The following ERBIN variants were observed in gnomAD, a reference collection of about 807,000 sequenced individuals.
ERBIN encodes the protein densin-180-like protein.
ERBIN carries 60 observed loss-of-function variants against 158.4 expected under a neutral mutation model. The observed-to-expected ratio is 0.38, with a 90% CI of 0.31 to 0.47. ERBIN has a LOEUF of 0.47. Among genes scored for constraint, ERBIN ranks in the 20% least tolerant of loss-of-function variants. ERBIN has a pLI of 0.99. For missense variants in ERBIN, 1,610 were observed against 1,648.0 expected (o/e 0.98, Z 0.40); for synonymous variants, 594 against 557.2 (o/e 1.07, Z -0.93).
chr5:66,004,194 C>G (rs1753315670), intron 4 of ERBIN, among the ~76,000 whole-genome samples: 1 of 151,338 alleles, frequency 6.6e-6, no homozygotes, highest in Admixed American at 6.6e-5. Flanking sequence ...ACTCCGAATA[C>G]CTTGGCCTCC....
At chr5:66,037,279 A>G (rs1757488940) in intron 14 of ERBIN, among the ~76,000 whole-genome samples, 1 of 152,138 alleles carries the variant, frequency 6.6e-6, no homozygotes, top group Non-Finnish European at 1.5e-5. Flanking sequence ...AGTAGATAAT[A>G]GGACAGGAGA....
chr5:65,963,542 G>A (rs1297937967), intron 1 of ERBIN, among the ~76,000 whole-genome samples: 1 of 152,028 alleles, frequency 6.6e-6, no homozygotes, highest in Non-Finnish European at 1.5e-5. Context: ...AGGTTGCAGT[G>A]AGCTGAGATC....
chr5:65,944,251 A>G (rs1179236714), intron 1 of ERBIN, among the ~76,000 whole-genome samples: 1 of 145,386 alleles, frequency 6.9e-6, no homozygotes, highest in Non-Finnish European at 1.5e-5. Context: ...TGTTTTCCAC[A>G]GTGGCTCTAC....
intron 21 of ERBIN, among the ~76,000 whole-genome samples, chr5:66,063,573 G>A (rs1760681725): frequency 6.6e-6 from 1 of 152,136 alleles, no homozygotes; most frequent in Non-Finnish European, 1.5e-5. Flanking sequence ...GCACTCCCCA[G>A]TGAGATGAAC....
chr5:65,983,486 G>A (rs1381584148), intron 1 of ERBIN, among the ~76,000 whole-genome samples: 1 of 151,302 alleles, frequency 6.6e-6, no homozygotes, highest in Non-Finnish European at 1.5e-5. Context: ...TACTATTTAT[G>A]TACTTATCAG....
chr5:65,965,382 G>GTTTTTTTTTTTTTTTTTT (rs200847060), intron 1 of ERBIN, among the ~76,000 whole-genome samples: 14 of 96,058 alleles, frequency 1.5e-4, no homozygotes, highest in Admixed American at 3.6e-4. Context: ...GTTTTTTGTT[G>GTTTTTTTTTTTTTTTTTT]TTTTTTTTTT....
intron 15 of ERBIN, among the ~76,000 whole-genome samples, chr5:66,042,263 A>G (rs1302778373): frequency 1.3e-5 from 2 of 152,078 alleles, no homozygotes; most frequent in Non-Finnish European, 2.9e-5. Flanking sequence ...GTATTGCACA[A>G]CTATGGAATG....
At chr5:66,019,740 T>TCCAATGCACACCTTTTCATTTTTGTAC (rs1755488802) in intron 7 of ERBIN, among the ~76,000 whole-genome samples, 1 of 152,180 alleles carries the variant, frequency 6.6e-6, no homozygotes, top group Non-Finnish European at 1.5e-5. Flanking sequence ...ATTGAATTTT[T>TCCAATGCACACCTTTTCATTTTTGTAC]CCAATGCACA....
At chr5:66,030,544 C>G (rs1722938067) in intron 14 of ERBIN, among the ~76,000 whole-genome samples, 1 of 148,570 alleles carries the variant, frequency 6.7e-6, no homozygotes, top group African/African-American at 2.5e-5. Context: ...TAGACTAATT[C>G]TATTAGTACA....
At chr5:66,008,864 A>G (rs997633402) in intron 4 of ERBIN, among the ~76,000 whole-genome samples, 15 of 152,214 alleles carry the variant, frequency 9.9e-5, no homozygotes, top group East Asian at 1.9e-4. Flanking sequence ...AACCAAATCC[A>G]TTCCATGTTT....
In ERBIN at chr5:65,971,008, A is replaced by G. The variant is rs148532783; in HGVS notation, c.-57-17627A>G. On this transcript the variant is annotated intron_variant, in intron 1 of 25. Coordinates refer to ENST00000284037, the MANE Select transcript of ERBIN (RefSeq NM_001253697.2). ...TTTCTGACATATTTGTCATATTTGT[A>G]TTTGTTGTATTTAGCATCAGAAAGC... Among the ~76,000 whole-genome samples, 49 of 152,248 alleles carry G rather than the reference A, an allele frequency of 3.2e-4. No homozygotes were observed. The East Asian group carries it at 9.1e-3, about 28-fold the overall frequency.
chr5:66,049,040 G>A (rs1580461173), intron 19 of ERBIN, among the ~76,000 whole-genome samples: 1 of 151,924 alleles, frequency 6.6e-6, no homozygotes, highest in East Asian at 1.9e-4. Flanking sequence ...GTTCATTTCT[G>A]CCACTTATCT....
Position 66,014,694 on chromosome 5 carries a change from C to T in ERBIN, c.502C>T (p.Leu168Phe). The change falls in exon 7 of 26, where the codon CTT (leucine) becomes TTT (phenylalanine). Residue 168 changes from leucine to phenylalanine, a missense_variant. Leu to Phe is a conservative substitution (Grantham distance 22). Around this residue, in one of 2 missense-constraint regions of ERBIN, gnomAD observed 596 missense variants for 711.9 expected, o/e 0.84. Coordinates refer to ENST00000284037, the MANE Select transcript of ERBIN (RefSeq NM_001253697.2). ...ATTAACTAAACTCCAAATATTAGAG[C>T]TTAGAGAAAACCAGTTAAAAATGTT... Reference protein sequence around the residue: ...GRLTKLQILELRENQLKMLPK... With the variant: ...GRLTKLQILEFRENQLKMLPK... 1 of 1,443,778 alleles carries T rather than the reference C, an allele frequency of 6.9e-7. No homozygotes were observed. The allele number at this position is 1,443,778 out of a possible 1,614,324, so 89.4% of individuals were successfully genotyped here.
chr5:65,970,755 A>ATTTTAT (rs539140544), intron 1 of ERBIN, among the ~76,000 whole-genome samples: 33 of 151,946 alleles, frequency 2.2e-4, no homozygotes, highest in Admixed American at 1.5e-3. Flanking sequence ...TGCCTGGCTA[A>ATTTTAT]TTTTATTTTT....
rs1406183425 is a variant in ERBIN at position 66,050,839 on chromosome 5, A to G, written c.1960A>G (p.Asn654Asp). 2 of 1,601,890 alleles carry G rather than the reference A, an allele frequency of 1.2e-6. No individual in the cohort carries two copies. The highest frequency in any genetic ancestry group is 2.7e-5 in the African/African-American group (2 of 73,862). Reference sequence around the variant, plus strand: ...TGAAGTTACACACAATAGCAATCAGAATAACAGCAATTGTTCTTCTCCATC... The same window carrying G: ...TGAAGTTACACACAATAGCAATCAGGATAACAGCAATTGTTCTTCTCCATC... ...SDEVTHNSNQ[N>D]NSNCSSPSRM... Residue 654 changes from asparagine to aspartate, a missense_variant, in exon 20 of 26, where the codon AAT becomes GAT. Transcript: ENST00000284037.
At position 66,069,320 on chromosome 5, in the gene ERBIN, A is replaced by G. The variant is rs1389958501; in HGVS notation, c.3634-2849A>G. Among the ~76,000 whole-genome samples the G allele has an allele frequency of 3.9e-5, 6 of 152,358 alleles. 1 individual carries two copies. The highest frequency in any genetic ancestry group is 4.1e-4 in the South Asian group (2 of 4,828). On this transcript the variant is annotated intron_variant, in intron 21 of 25. Transcript: ENST00000284037. ...TCTTTGTAGTATGTTTTCTCTTAAT[A>G]TTAAACTTTTCTATTCCTAAGGATT...
intron 1 of ERBIN, among the ~76,000 whole-genome samples, chr5:65,943,294 C>G (rs1745298772): frequency 6.6e-6 from 1 of 152,170 alleles, no homozygotes; most frequent in African/African-American, 2.4e-5. Context: ...CAGGCACTTG[C>G]ATTACCTAAG....
chr5:65,989,980 G>A (rs145512913), intron 2 of ERBIN, among the ~76,000 whole-genome samples: 6 of 152,286 alleles, frequency 3.9e-5, no homozygotes, highest in Middle Eastern at 6.8e-3. Context: ...CTCTTCTGGC[G>A]ATTAAAATCT....
At chr5:65,992,554 G>A (rs898132399) in intron 2 of ERBIN, among the ~76,000 whole-genome samples, 156 bp from the exon 3 acceptor site, 5 of 152,146 alleles carry the variant, frequency 3.3e-5, no homozygotes, top group African/African-American at 1.2e-4. Flanking sequence ...ATAAATGTGG[G>A]TATTAAAGCA....
Sources: allele counts gnomAD v4.1 joint callset (sites outside exome capture counted in the v4.1 genomes callset), GRCh38; gene constraint gnomAD v4.1.1; regional missense constraint gnomAD v4.1.1; transcripts MANE v1.5; gene names NCBI Gene and HGNC (gene_info 2026-07-23, HGNC 2026-07-21).